Variants in PCDH15 observed in about 807,000 individuals in gnomAD.
PCDH15 encodes protocadherin related 15.
PCDH15 carries 129 observed loss-of-function variants against 178.5 expected under a neutral mutation model. The observed-to-expected ratio is 0.72, with a 90% CI of 0.63 to 0.84. The LOEUF is 0.84. Among genes scored for constraint, PCDH15 ranks in the 40% least tolerant of loss-of-function variants. The probability of loss-of-function intolerance (pLI) is 0.00; values close to 1 mark genes in which losing one functional copy is unlikely to be tolerated. For synonymous variants in PCDH15, 800 were observed against 732.0 expected (o/e 1.09, Z -1.50); for missense variants, 2,230 against 2,099.9 (o/e 1.06, Z -1.21).
At chr10:54,335,234 T>G (rs1414134233) in intron 6 of PCDH15, among the ~76,000 whole-genome samples, 1 of 152,188 alleles carries the variant, frequency 6.6e-6, no homozygotes, top group Non-Finnish European at 1.5e-5. Context: ...CTCTAATCAT[T>G]TTTTCTGTTT....
At chr10:54,246,602 T>A (rs1337248025) in intron 8 of PCDH15, among the ~76,000 whole-genome samples, 1 of 151,886 alleles carries the variant, frequency 6.6e-6, no homozygotes, top group Non-Finnish European at 1.5e-5. Context: ...CGATGAACTT[T>A]GTACTTCTTC....
intron 13 of PCDH15, among the ~76,000 whole-genome samples, chr10:54,179,454 G>A: frequency 6.6e-6 from 1 of 151,382 alleles, no homozygotes; most frequent in Non-Finnish European, 1.5e-5. Context: ...AGCATTAGGA[G>A]ATATACCTAA....
chr10:54,030,839 C>T (rs1437386127), intron 18 of PCDH15, among the ~76,000 whole-genome samples: 1 of 151,934 alleles, frequency 6.6e-6, no homozygotes, highest in African/African-American at 2.4e-5. Context: ...CACCAAGAAA[C>T]TCTCAAGTGT....
intron 3 of PCDH15, among the ~76,000 whole-genome samples, chr10:54,872,659 C>A (rs1009195474): frequency 1.3e-5 from 2 of 151,996 alleles, no homozygotes; most frequent in African/African-American, 2.4e-5. Context: ...AAAGAGGGTA[C>A]AAACCATGAT....
chr10:54,116,637 A>G (rs1283947889), intron 15 of PCDH15, among the ~76,000 whole-genome samples: 2 of 152,198 alleles, frequency 1.3e-5, no homozygotes, highest in East Asian at 1.9e-4. Flanking sequence ...GCCCACAATT[A>G]GAAGGTGTGT....
chr10:54,518,518 T>G (rs1230083009), intron 3 of PCDH15, among the ~76,000 whole-genome samples: 2 of 151,248 alleles, frequency 1.3e-5, no homozygotes, highest in Admixed American at 1.3e-4. Flanking sequence ...CAGGAAGAAG[T>G]TGAATCTCTG....
At chr10:53,847,196 C>T (rs1412484431) in intron 28 of PCDH15, among the ~76,000 whole-genome samples, 2 of 151,990 alleles carry the variant, frequency 1.3e-5, no homozygotes, top group East Asian at 3.9e-4. Context: ...CAATATGAAG[C>T]GTGTCATAAA....
At chr10:54,396,709 A>T (rs557470934) in intron 3 of PCDH15, among the ~76,000 whole-genome samples, 1 of 152,326 alleles carries the variant, frequency 6.6e-6, no homozygotes, top group East Asian at 1.9e-4. Flanking sequence ...AACATAAAGT[A>T]GAAAAATAGC....
intron 2 of PCDH15, among the ~76,000 whole-genome samples, chr10:55,462,337 G>T (rs1482961753): frequency 6.6e-6 from 1 of 152,132 alleles, no homozygotes; most frequent in African/African-American, 2.4e-5. Context: ...GGTCCTTCTG[G>T]ATTTTTCTCA....
In PCDH15 at chr10:54,153,154, C is replaced by T. The variant is rs753457449; in HGVS notation, c.1730G>A (p.Arg577Gln). 2.0e-5 allele frequency: 32 copies of T among 1,613,754 alleles called. No homozygotes were observed. The highest frequency in any genetic ancestry group is 1.2e-4 in the African/African-American group (9 of 74,894). ...TGCTTGGACCGTGAGTGCGTAAGTC[C>T]GCCCGACTATCATTTCCACCCCTGG... ...IAPGVEMIVG[R>Q]TYALTVQAAD... The change falls in exon 14 of 38, where the codon CGG becomes CAG. Residue 577 changes from arginine to glutamine, a missense_variant. Arg to Gln is a conservative substitution (Grantham distance 43). Coordinates refer to ENST00000644397, the MANE Select transcript of PCDH15 (RefSeq NM_001384140.1).
intron 26 of PCDH15, among the ~76,000 whole-genome samples, chr10:53,891,997 T>A (rs2133493880): frequency 6.7e-6 from 1 of 148,274 alleles, no homozygotes; most frequent in South Asian, 2.1e-4. Context: ...AGTTTCCAGT[T>A]ATCAGAGCAG....
chr10:53,829,517 T>A (rs1192532686), intron 30 of PCDH15, among the ~76,000 whole-genome samples: 3 of 152,190 alleles, frequency 2.0e-5, no homozygotes, highest in Non-Finnish European at 4.4e-5. Flanking sequence ...ACGGAATGGA[T>A]TTAACATTAT....
At chr10:55,347,869 A>G (rs1310393626) in intron 2 of PCDH15, among the ~76,000 whole-genome samples, 1 of 152,122 alleles carries the variant, frequency 6.6e-6, no homozygotes, top group East Asian at 1.9e-4. Flanking sequence ...TCAAAATGTT[A>G]TATTTCTTTT....
At chr10:54,395,946 T>C (rs1589200008) in intron 3 of PCDH15, among the ~76,000 whole-genome samples, 1 of 152,094 alleles carries the variant, frequency 6.6e-6, no homozygotes, top group Non-Finnish European at 1.5e-5. Context: ...CCAATTTACC[T>C]ATGGGAGATC....
At chr10:54,458,422 G>T (rs559285078) in intron 3 of PCDH15, among the ~76,000 whole-genome samples, 2 of 152,150 alleles carry the variant, frequency 1.3e-5, no homozygotes, top group Non-Finnish European at 2.9e-5. Flanking sequence ...CTTAATGGCA[G>T]TTATCTTCTC....
intron 1 of PCDH15, among the ~76,000 whole-genome samples, chr10:55,200,619 C>T (rs1840218303): frequency 1.3e-5 from 2 of 152,024 alleles, no homozygotes; most frequent in South Asian, 2.1e-4. Context: ...TTGGGAGGGG[C>T]CAGGAACAGA....
intron 6 of PCDH15, among the ~76,000 whole-genome samples, chr10:54,339,586 T>G (rs890877758): frequency 6.6e-6 from 1 of 152,172 alleles, no homozygotes; most frequent in Non-Finnish European, 1.5e-5. Context: ...GAAGAATGCT[T>G]CTTCTTCTGA....
At chr10:54,278,955 A>G (rs908741693) in intron 8 of PCDH15, among the ~76,000 whole-genome samples, 3 of 151,564 alleles carry the variant, frequency 2.0e-5, no homozygotes, top group Non-Finnish European at 4.4e-5. Context: ...GTTTCTAAAA[A>G]AGTATACATG....
chr10:55,415,941 A>T (rs1838471188), intron 2 of PCDH15, among the ~76,000 whole-genome samples: 1 of 151,436 alleles, frequency 6.6e-6, no homozygotes, highest in Non-Finnish European at 1.5e-5. Context: ...TTTTTCTCAA[A>T]TTTGCTTTTG....
Sources: allele counts gnomAD v4.1 joint callset (sites outside exome capture counted in the v4.1 genomes callset), GRCh38; gene constraint gnomAD v4.1.1; transcripts MANE v1.5; gene names NCBI Gene and HGNC (gene_info 2026-07-23, HGNC 2026-07-21).